The following CSGALNACT1 variants were observed in gnomAD, a reference collection of about 807,000 sequenced individuals.
The protein encoded by CSGALNACT1 is chondroitin sulfate N-acetylgalactosaminyltransferase 1.
In CSGALNACT1, 52 loss-of-function variants were observed where a neutral mutation model predicts 51.0. That is an observed-to-expected ratio of 1.02 (90% CI 0.82 to 1.29). The LOEUF (loss-of-function observed/expected upper bound fraction) is 1.29. Ranked by LOEUF, CSGALNACT1 falls within the 50% of genes most tolerant of loss-of-function variation. The pLI is 0.00. For missense variants in CSGALNACT1, 935 were observed against 679.2 expected (o/e 1.38, Z -4.19); for synonymous variants, 341 against 254.4 (o/e 1.34, Z -3.24).
chr8:19,505,527 G>C, exon 4 of CSGALNACT1: 1 of 1,613,962 alleles, frequency 6.2e-7, no homozygotes, highest in Non-Finnish European at 8.5e-7. Flanking sequence ...CAGGCCAGCA[G>C]CATCGCTGGC....
rs1491518171 is a variant in CSGALNACT1, at chr8:19,666,942, A to AG, written c.-544+15530_-544+15531insC. 2.7e-4 allele frequency among the ~76,000 whole-genome samples: 31 copies of AG among 115,376 alleles called. 1 individual carries two copies. Among genetic ancestry groups the AG allele is most frequent in the Non-Finnish European group, 4.1e-4 (23 of 56,364 alleles). 75.7% of individuals were successfully genotyped at this position (115,376 alleles called of 152,430 possible). ...GGAAGGGAGAGACAGAGAGAGAGAG[A>AG]AAAAGAAAGAAAGAAAGAAAGAAAG... On this transcript the variant is annotated intron_variant, in intron 1 of 9. Coordinates refer to the CSGALNACT1 transcript ENST00000332246.
intron 3 of CSGALNACT1, among the ~76,000 whole-genome samples, chr8:19,557,332 C>T (rs2039688858): frequency 1.3e-5 from 2 of 152,188 alleles, no homozygotes; most frequent in Admixed American, 6.5e-5. Context: ...TGTCTCTCTT[C>T]AGACTATTAT....
At position 19,545,064 on chromosome 8, in the gene CSGALNACT1, C is replaced by T. The variant is rs189188665; in HGVS notation, c.-296-38934G>A. On this transcript the variant is annotated intron_variant, in intron 3 of 9. Coordinates refer to ENST00000454498, the Ensembl canonical transcript of CSGALNACT1. ...AGGATAAATCACGACGACACAGCGA[C>T]TCCTGGGAGTTGTTCTGAAGCACAG... Among the ~76,000 whole-genome samples the T allele has an allele frequency of 1.2e-4, 19 of 152,150 alleles. No individual in the cohort carries two copies. The East Asian group carries it at 2.5e-3, about 20-fold the overall frequency.
chr8:19,495,032 T>C (rs1313030759), intron 4 of CSGALNACT1: 1 of 152,166 alleles, frequency 6.6e-6, no homozygotes, highest in African/African-American at 2.4e-5. Flanking sequence ...GCTCAGCAGA[T>C]ACTCACTCCG....
At chr8:19,522,803 T>G (rs2080984705) in intron 3 of CSGALNACT1, among the ~76,000 whole-genome samples, 1 of 152,170 alleles carries the variant, frequency 6.6e-6, no homozygotes, top group South Asian at 2.1e-4. Context: ...ACACTAACGT[T>G]CTAATTTCAG....
rs187364627 is a variant in CSGALNACT1 at position 19,550,562 on chromosome 8, G to A, written c.-297+40598C>T. Among the ~76,000 whole-genome samples, 168 of 152,082 alleles carry A rather than the reference G, an allele frequency of 1.1e-3. 1 individual carries two copies. The highest frequency in any genetic ancestry group is 3.9e-3 in the African/African-American group (161 of 41,474). On this transcript the variant is annotated intron_variant, in intron 3 of 9. Coordinates refer to ENST00000454498, the Ensembl canonical transcript of CSGALNACT1. Reference sequence around the variant, plus strand: ...CTTTTCCCCTTATTTCCTCTGAGACGTCTTTCCTGCTTATTTATTTGGTCT... The same window carrying A: ...CTTTTCCCCTTATTTCCTCTGAGACATCTTTCCTGCTTATTTATTTGGTCT...
intron 1 of CSGALNACT1, among the ~76,000 whole-genome samples, chr8:19,608,692 C>G (rs549006551): frequency 1.3e-5 from 2 of 152,304 alleles, no homozygotes; most frequent in South Asian, 4.1e-4. Context: ...TCTCTGGCTT[C>G]TTTACAATTC....
At chr8:19,478,523 CGTACAGCCCAG>C (rs1196133908) in intron 4 of CSGALNACT1, among the ~76,000 whole-genome samples, 2 of 151,224 alleles carry the variant, frequency 1.3e-5, no homozygotes, top group African/African-American at 4.9e-5. Flanking sequence ...GACTAACTAA[CGTACAGCCCAG>C]GTTGCAAAGT....
chr8:19,468,581 C>G (rs1355298382), intron 4 of CSGALNACT1, among the ~76,000 whole-genome samples: 1 of 151,842 alleles, frequency 6.6e-6, no homozygotes, highest in Admixed American at 6.6e-5. Context: ...GAAAGAACCA[C>G]GATGGTTTAG....
chr8:19,682,705 A>G, upstream of CSGALNACT1: 1 of 454,068 alleles, frequency 2.2e-6, no homozygotes, highest in Non-Finnish European at 4.4e-6. Context: ...CCTCCGTGCA[A>G]TTCGGGGCCA....
At chr8:19,584,395 AT>A (rs35677277) in intron 3 of CSGALNACT1, among the ~76,000 whole-genome samples, 10 of 151,546 alleles carry the variant, frequency 6.6e-5, no homozygotes, top group African/African-American at 1.4e-4. Context: ...GGGCTGAAAT[AT>A]TTTTTTTTGA....
intron 6 of CSGALNACT1, among the ~76,000 whole-genome samples, chr8:19,420,748 C>T (rs1434343397): frequency 6.6e-6 from 1 of 152,186 alleles, no homozygotes; most frequent in East Asian, 1.9e-4. Flanking sequence ...TTCCTTGTTT[C>T]TCTGGCAGTT....
In CSGALNACT1 at chr8:19,618,410, G is replaced by C. The variant is rs575837145; in HGVS notation, c.-543-16545C>G. On this transcript the variant is annotated intron_variant, in intron 1 of 9. Coordinates refer to the CSGALNACT1 transcript ENST00000332246. ...AATCCCACAATTTTGGGAGGCTGAGGTGGGTGAATCACTTGAGGTCAGGAG... is the reference window on the plus strand; with the variant it reads ...AATCCCACAATTTTGGGAGGCTGAGCTGGGTGAATCACTTGAGGTCAGGAG... Among the ~76,000 whole-genome samples, 39 of 152,034 alleles carry C rather than the reference G, an allele frequency of 2.6e-4. No homozygotes were observed. The South Asian group carries it at 7.1e-3, about 28-fold the overall frequency.
intron 1 of CSGALNACT1, among the ~76,000 whole-genome samples, chr8:19,690,555 A>C (rs1165290425): frequency 6.6e-6 from 1 of 152,262 alleles, no homozygotes; most frequent in Non-Finnish European, 1.5e-5. Context: ...ACATATATAA[A>C]ACAGATTTTT....
intron 5 of CSGALNACT1, among the ~76,000 whole-genome samples, chr8:19,441,490 T>C (rs1586087337): frequency 6.6e-6 from 1 of 152,200 alleles, no homozygotes. Context: ...ACTTAATAAA[T>C]GGTGCTGGGA....
chr8:19,693,078 C>T (rs1168805659), intron 1 of CSGALNACT1, among the ~76,000 whole-genome samples: 8 of 152,164 alleles, frequency 5.3e-5, no homozygotes, highest in African/African-American at 1.7e-4. Flanking sequence ...ATGTGCCAGT[C>T]ATTTGCCTAT....
At chr8:19,412,178 T>C (rs912961915) in intron 8 of CSGALNACT1, among the ~76,000 whole-genome samples, 2 of 152,040 alleles carry the variant, frequency 1.3e-5, no homozygotes, top group Admixed American at 1.3e-4. Context: ...TGGCCTCCTC[T>C]CAACTCTCTC....
intron 3 of CSGALNACT1, among the ~76,000 whole-genome samples, chr8:19,508,350 T>C (rs576689543): frequency 6.6e-6 from 1 of 152,376 alleles, no homozygotes; most frequent in South Asian, 2.1e-4. Flanking sequence ...TCAACTTTTC[T>C]GAGAAATTCA....
chr8:19,503,743 G>A (rs940197097), intron 4 of CSGALNACT1, among the ~76,000 whole-genome samples: 1 of 151,250 alleles, frequency 6.6e-6, no homozygotes, highest in Non-Finnish European at 1.5e-5. Context: ...GTTAGCTCCT[G>A]AACATTCTAG....
Sources: allele counts gnomAD v4.1 joint callset (sites outside exome capture counted in the v4.1 genomes callset), GRCh38; gene constraint gnomAD v4.1.1; transcripts MANE v1.5; gene names NCBI Gene and HGNC (gene_info 2026-07-23, HGNC 2026-07-21).